Variants in NCOA3 observed in about 807,000 individuals in gnomAD.
NCOA3 encodes the protein CBP-interacting protein.
Under a neutral mutation model 158.8 loss-of-function variants are expected in NCOA3, and 51 were observed. The ratio of observed to expected loss-of-function variants is 0.32; its 90% CI spans 0.26 to 0.41. NCOA3 has a LOEUF of 0.41. Ranked by LOEUF, NCOA3 falls within the 10% of genes least tolerant of loss-of-function variation. The pLI, the probability that NCOA3 is intolerant of heterozygous loss-of-function variation, is 1.00. For synonymous variants in NCOA3, 537 were observed against 592.4 expected (o/e 0.91, Z 1.36); for missense variants, 1,510 against 1,746.6 (o/e 0.86, Z 2.41).
At chr20:47,583,791 A>G (rs1195310760) in intron 2 of NCOA3, among the ~76,000 whole-genome samples, 1 of 152,052 alleles carries the variant, frequency 6.6e-6, no homozygotes, top group Non-Finnish European at 1.5e-5. Flanking sequence ...CCCCATCTCT[A>G]CAGAGAATGC....
At chr20:47,605,640 C>A (rs1410334597) in intron 2 of NCOA3, among the ~76,000 whole-genome samples, 1 of 152,022 alleles carries the variant, frequency 6.6e-6, no homozygotes, top group African/African-American at 2.4e-5. Flanking sequence ...TGCATGATTT[C>A]ATTTCCTGAC....
At chr20:47,520,767 G>T (rs1295862218) in intron 1 of NCOA3, among the ~76,000 whole-genome samples, 1 of 152,156 alleles carries the variant, frequency 6.6e-6, no homozygotes, top group South Asian at 2.1e-4. Context: ...CCCCTCTGAA[G>T]GTCCTTTGCG....
Position 47,570,021 on chromosome 20 carries a change from C to CA in NCOA3, c.-98-13152dup, listed in dbSNP as rs111893364. Among the ~76,000 whole-genome samples the CA allele has an allele frequency of 3.0e-3, 448 of 149,502 alleles. 5 individuals are homozygous for CA. Among genetic ancestry groups the CA allele is most frequent in the East Asian group, 0.028 (142 of 5,094 alleles). On this transcript the variant is annotated intron_variant, in intron 1 of 22. Transcript: ENST00000371998. The stretch of plus-strand genomic sequence containing the variant: ...TGAGACTCCGTCTCAAAAAAAACAA[C>CA]AAAAAAAAAACCCTGCGGCTCCTTT...
chr20:47,559,559 C>T (rs1299801169), intron 1 of NCOA3, among the ~76,000 whole-genome samples: 3 of 151,976 alleles, frequency 2.0e-5, no homozygotes, highest in African/African-American at 7.2e-5. Context: ...TTTTTCTTCC[C>T]CAGAATAGGG....
At position 47,608,518 on chromosome 20, in the gene NCOA3, G is replaced by A. The variant is rs185862132; in HGVS notation, c.-19-13711G>A. The stretch of plus-strand genomic sequence containing the variant: ...GCTGGGCATGGTGGCACATGCGTGT[G>A]GTTCCAGCTACTCGGGAGGCTGAGG... On this transcript the variant is annotated intron_variant, in intron 2 of 22. Coordinates refer to ENST00000371998, the MANE Select transcript of NCOA3 (RefSeq NM_181659.3). 3.4e-3 allele frequency among the ~76,000 whole-genome samples: 511 copies of A among 151,558 alleles called. 2 individuals are homozygous for A. Among genetic ancestry groups the A allele is most frequent in the African/African-American group, 0.012 (483 of 41,270 alleles).
At chr20:47,563,720 C>T (rs2085144656) in intron 1 of NCOA3, among the ~76,000 whole-genome samples, 1 of 151,634 alleles carries the variant, frequency 6.6e-6, no homozygotes, top group East Asian at 1.9e-4. Flanking sequence ...AATGCCATCT[C>T]TACTAAAAAT....
At chr20:47,586,676 A>G (rs1302383978) in intron 2 of NCOA3, among the ~76,000 whole-genome samples, 1 of 151,896 alleles carries the variant, frequency 6.6e-6, no homozygotes, top group Non-Finnish European at 1.5e-5. Flanking sequence ...TTCCTGGGAT[A>G]TTTTCACAGC....
At position 47,636,641 on chromosome 20, in the gene NCOA3, C is replaced by T. The variant is rs61748368; in HGVS notation, c.2255C>T (p.Ser752Phe). The T allele has an allele frequency of 4.8e-4, 775 of 1,614,170 alleles. No homozygotes were observed. The highest frequency in any genetic ancestry group is 5.1e-4 in the Non-Finnish European group (606 of 1,180,030). Residue 752 changes from serine (S) to phenylalanine (F), a missense_variant, in exon 12 of 23, where the codon TCT (serine) becomes TTT (phenylalanine). Physicochemically the swap from Ser to Phe is radical, Grantham distance 155 (BLOSUM62 -2). Coordinates refer to ENST00000371998, the MANE Select transcript of NCOA3 (RefSeq NM_181659.3). The part of the protein sequence containing the change: ...LDRDDPSDAL[S>F]KELQPQVEGV... ...AGGGATGATCCTAGTGATGCACTCT[C>T]TAAAGAACTACAGCCCCAAGTGGAA...
In NCOA3 at chr20:47,635,411, T is replaced by C. The variant is rs1400056180; in HGVS notation, c.1202T>C (p.Met401Thr). Residue 401 changes from methionine to threonine, a missense_variant, in exon 11 of 23, where the codon ATG becomes ACG. Coordinates refer to ENST00000371998, the MANE Select transcript of NCOA3 (RefSeq NM_181659.3). ...GGATGCAACAGTTCGGTAGGCGGCATGAGTATGTCGCCAAACCAAGGCTTA... is the reference window on the plus strand; with the variant it reads ...GGATGCAACAGTTCGGTAGGCGGCACGAGTATGTCGCCAAACCAAGGCTTA... ...MAGCNSSVGG[M>T]SMSPNQGLQM... 3 of 1,614,124 alleles carry C rather than the reference T, an allele frequency of 1.9e-6. No homozygotes were observed. The highest frequency in any genetic ancestry group is 1.1e-5 in the South Asian group (1 of 91,074).
intron 1 of NCOA3, among the ~76,000 whole-genome samples, chr20:47,576,321 A>G (rs2085371235): frequency 6.6e-6 from 1 of 152,218 alleles, no homozygotes; most frequent in Admixed American, 6.5e-5. Context: ...TAAAGCATTT[A>G]CTGGATACAC....
At chr20:47,525,617 C>G (rs1239016422) in intron 1 of NCOA3, among the ~76,000 whole-genome samples, 1 of 130,088 alleles carries the variant, frequency 7.7e-6, no homozygotes, top group African/African-American at 3.4e-5. Flanking sequence ...GGGGGGCTGA[C>G]CCCCCCACCT....
intron 15 of NCOA3, 29 bp from the exon 16 acceptor site, chr20:47,639,896 G>T (rs1194349443): frequency 1.9e-6 from 3 of 1,613,462 alleles, no homozygotes; most frequent in Non-Finnish European, 2.5e-6. Context: ...TCTTATTTGA[G>T]AATTTGTGCT....
chr20:47,505,003 G>GTTTTTTTT (rs1166777115), intron 1 of NCOA3, among the ~76,000 whole-genome samples: 2,057 of 28,504 alleles, frequency 0.072, 622 homozygotes, highest in Middle Eastern at 0.11. Flanking sequence ...TGGGTTTTTG[G>GTTTTTTTT]TTTTTTTTTT....
At position 47,618,363 on chromosome 20, in the gene NCOA3, T is replaced by TC. The variant is rs1359454880; in HGVS notation, c.-19-3866_-19-3865insC. On this transcript the variant is annotated intron_variant, in intron 2 of 22. Transcript: ENST00000371998. ...TTTTCCCTTAGTTTTTTTTTTTTTTTTTTTTTTATAGACAGAATTCACTCT... is the reference window on the plus strand; with the variant it reads ...TTTTCCCTTAGTTTTTTTTTTTTTTTCTTTTTTTATAGACAGAATTCACTCT... Among the ~76,000 whole-genome samples, 93 of 141,374 alleles carry TC rather than the reference T, an allele frequency of 6.6e-4. 1 individual carries two copies. Among genetic ancestry groups the TC allele is most frequent in the African/African-American group, 2.6e-3 (92 of 36,076 alleles). 92.7% of individuals were successfully genotyped at this position (141,374 alleles called of 152,430 possible).
chr20:47,635,239 A>AATTTT, intron 10 of NCOA3, 83 bp from the exon 11 acceptor site: 1 of 1,390,966 alleles, frequency 7.2e-7, no homozygotes, highest in Admixed American at 2.3e-5. Context: ...GGTTTTTTAA[A>AATTTT]ATTTTATTTT....
In NCOA3 at chr20:47,601,111, G is replaced by A. The variant is rs149847813; in HGVS notation, c.-20+17850G>A. Among the ~76,000 whole-genome samples the A allele has an allele frequency of 5.3e-5, 8 of 152,324 alleles. No individual in the cohort carries two copies. The East Asian group carries it at 1.5e-3, about 29-fold the overall frequency. On this transcript the variant is annotated intron_variant, in intron 2 of 22. Coordinates refer to ENST00000371998, the MANE Select transcript of NCOA3 (RefSeq NM_181659.3). ...TGATTCTGGAAGCTGGGAAGTCTGA[G>A]ATCTGGTCAGCTTCTGGTGAGGGCC...
chr20:47,627,982 C>T lies in NCOA3; in HGVS notation c.782C>T (p.Pro261Leu), dbSNP rs2086349907. ...RRITTGERTF[P>L]SNPESFITRH... Reference sequence around the variant, plus strand: ...ATTACTACAGGAGAAAGAACATTTCCATCAAACCCTGAGAGCTTTATTACC... The same window carrying T: ...ATTACTACAGGAGAAAGAACATTTCTATCAAACCCTGAGAGCTTTATTACC... Residue 261 changes from proline to leucine, a missense_variant, in exon 8 of 23, where the codon CCA becomes CTA. Around this residue, in one of 4 missense-constraint regions of NCOA3, gnomAD observed 309 missense variants for 427.1 expected, o/e 0.72. Transcript: ENST00000371998. 1 of 1,613,930 alleles carries T rather than the reference C, an allele frequency of 6.2e-7. No individual in the cohort carries two copies. Among genetic ancestry groups the T allele is most frequent in the Non-Finnish European group, 8.5e-7 (1 of 1,179,922 alleles).
intron 1 of NCOA3, among the ~76,000 whole-genome samples, chr20:47,558,602 C>T (rs1310660521): frequency 2.6e-5 from 4 of 152,164 alleles, no homozygotes; most frequent in African/African-American, 4.8e-5. Context: ...AGTCACAAGC[C>T]GTCTTGAATA....
Position 47,625,483 on chromosome 20 carries a change from C to G in NCOA3, c.357+2C>G. On this transcript the variant is annotated splice_donor_variant, in intron 5 of 22. Transcript: ENST00000371998. LOFTEE classifies it high-confidence loss of function. ...TCCTTAGGACCGCTTTTACTTCAGG[C>G]AAGTATAAAGATTTTAACTGTCCAG... is the stretch of plus-strand genomic sequence containing the variant. The G allele has an allele frequency of 6.3e-7, 1 of 1,588,670 alleles. No individual in the cohort carries two copies. The highest frequency in any genetic ancestry group is 8.6e-7 in the Non-Finnish European group (1 of 1,157,046).
Sources: allele counts gnomAD v4.1 joint callset (sites outside exome capture counted in the v4.1 genomes callset), GRCh38; gene constraint gnomAD v4.1.1; regional missense constraint gnomAD v4.1.1; transcripts MANE v1.5; gene names NCBI Gene and HGNC (gene_info 2026-07-23, HGNC 2026-07-21).